Variants in NBAS observed in about 807,000 individuals in gnomAD.
The protein encoded by NBAS is NAG/BC035112 fusion.
NBAS carries 219 observed loss-of-function variants against 302.5 expected under a neutral mutation model. The ratio of observed to expected loss-of-function variants is 0.72; its 90% CI spans 0.65 to 0.81. NBAS has a LOEUF of 0.81. NBAS is among the 30% of genes least tolerant of loss of function. The pLI is 0.00. For synonymous variants in NBAS, 1,118 were observed against 1,021.6 expected, an observed-to-expected ratio of 1.09 and a Z score of -1.80; for missense variants, 2,932 against 2,841.6, an observed-to-expected ratio of 1.03 and a Z score of -0.72.
intron 41 of NBAS, among the ~76,000 whole-genome samples, chr2:15,287,598 C>T (rs1486950525): frequency 2.0e-5 from 3 of 152,078 alleles, no homozygotes; most frequent in African/African-American, 4.8e-5. Context: ...CCTGCGTGGG[C>T]ATCTCCCAGT....
rs1208635272 is a variant in NBAS at position 15,192,978 on chromosome 2, T to C, written c.6433-2575A>G. 2.6e-5 allele frequency among the ~76,000 whole-genome samples: 4 copies of C among 152,290 alleles called. No individual in the cohort carries two copies. The East Asian group carries it at 7.7e-4, about 29-fold the overall frequency. On this transcript the variant is annotated intron_variant, in intron 48 of 51. Coordinates refer to ENST00000281513, the MANE Select transcript of NBAS (RefSeq NM_015909.4). ...TTCCTGAACTTTTCAGAAACTGTAA[T>C]ATACATTTTGAGGAAATAAACTATA...
intron 40 of NBAS, among the ~76,000 whole-genome samples, chr2:15,296,368 G>A (rs1368624353): frequency 1.3e-5 from 2 of 151,998 alleles, no homozygotes; most frequent in African/African-American, 4.8e-5. Context: ...GAGAAACCCC[G>A]TTTCTACTAA....
chr2:15,484,817 A>G (rs915491629), intron 12 of NBAS, among the ~76,000 whole-genome samples: 49 of 152,216 alleles, frequency 3.2e-4, no homozygotes, highest in Admixed American at 6.5e-4. Context: ...AGTAGAGTCA[A>G]TAAATACTTG....
At chr2:15,400,772 G>C (rs1676112859) in intron 26 of NBAS, among the ~76,000 whole-genome samples, 1 of 152,082 alleles carries the variant, frequency 6.6e-6, no homozygotes, top group African/African-American at 2.4e-5. Flanking sequence ...CTTTATTTTA[G>C]AAAAGTGCCT....
In NBAS at chr2:15,186,820, CT is replaced by C. The variant is rs764363809; in HGVS notation, c.6632del (p.Glu2211GlyfsTer11). On this transcript the variant is annotated frameshift_variant, in exon 50 of 52. Coordinates refer to ENST00000281513, the MANE Select transcript of NBAS (RefSeq NM_015909.4). LOFTEE classifies it high-confidence loss of function. ...CTTCATTCCCCAATCCTTCCTTGTT[CT>C]CCATCGTACATCTGGTTAGCATCAC... is the stretch of plus-strand genomic sequence containing the variant. ...ATVMLTRCTM[E>X]NKEGLGNEVL... The C allele has an allele frequency of 1.2e-6, 2 of 1,613,816 alleles. No individual in the cohort carries two copies. The highest frequency in any genetic ancestry group is 3.3e-4 in the Middle Eastern group (2 of 6,084).
chr2:15,010,895 C>T, the NBAS span, among the ~76,000 whole-genome samples: 2 of 152,220 alleles, frequency 1.3e-5, no homozygotes, highest in Non-Finnish European at 2.9e-5. Context: ...ACTGCCTTCT[C>T]ATAACTGCAC....
At chr2:15,196,262 C>G (rs1665615087) in intron 48 of NBAS, among the ~76,000 whole-genome samples, 2 of 152,088 alleles carry the variant, frequency 1.3e-5, no homozygotes, top group Admixed American at 1.3e-4. Context: ...TTATATGAAC[C>G]TATACAGGTA....
At chr2:15,162,939 T>A (rs903440340), downstream of NBAS, among the ~76,000 whole-genome samples, 2 of 152,238 alleles carry the variant, frequency 1.3e-5, no homozygotes, top group African/African-American at 4.8e-5. Context: ...AACTTGCATT[T>A]GAATGCTCTT....
chr2:15,379,939 T>G (rs536178915), intron 29 of NBAS, 108 bp from the exon 30 acceptor site: 273 of 976,072 alleles, frequency 2.8e-4, no homozygotes, highest in Admixed American at 1.1e-3. Context: ...ACATCCACCC[T>G]AGAGGTGGTG....
At chr2:15,501,974 T>C (rs924894315) in intron 11 of NBAS, among the ~76,000 whole-genome samples, 3 of 152,094 alleles carry the variant, frequency 2.0e-5, no homozygotes, top group African/African-American at 7.2e-5. Flanking sequence ...CAAACTTGAG[T>C]AGTAAAATAG....
At chr2:15,100,584 G>A in the NBAS span, among the ~76,000 whole-genome samples, 2 of 152,184 alleles carry the variant, frequency 1.3e-5, no homozygotes, top group African/African-American at 4.8e-5. Context: ...GAACTTGAAG[G>A]TGGGTTACAC....
intron 11 of NBAS, among the ~76,000 whole-genome samples, chr2:15,501,353 A>G (rs185421820): frequency 1.8e-4 from 27 of 152,246 alleles, no homozygotes; most frequent in Admixed American, 1.7e-3. Context: ...AAGTTTGGGT[A>G]TAATAAACCA....
At chr2:15,179,238 T>A in intron 50 of NBAS, 122 bp from the exon 51 acceptor site, 3 of 1,444,270 alleles carry the variant, frequency 2.1e-6, no homozygotes, top group Non-Finnish European at 2.9e-6. Context: ...TAAAGCCACA[T>A]ATGGTACCGC....
chr2:15,045,297 G>C, the NBAS span, among the ~76,000 whole-genome samples: 1 of 152,206 alleles, frequency 6.6e-6, no homozygotes, highest in Non-Finnish European at 1.5e-5. Context: ...AGCTGACGCT[G>C]AGATCTGAGC....
chr2:14,906,715 C>A, the NBAS span, among the ~76,000 whole-genome samples: 1 of 152,174 alleles, frequency 6.6e-6, no homozygotes, highest in Non-Finnish European at 1.5e-5. Flanking sequence ...GCTCTCAGGG[C>A]TCAGTGCTTT....
At chr2:15,547,158 C>T (rs531698050) in intron 6 of NBAS, among the ~76,000 whole-genome samples, 13 of 152,144 alleles carry the variant, frequency 8.5e-5, no homozygotes, top group African/African-American at 1.2e-4. Flanking sequence ...AAAACATTCT[C>T]GAATGGCATG....
the NBAS span, among the ~76,000 whole-genome samples, chr2:15,056,841 T>C: frequency 6.7e-6 from 1 of 150,350 alleles, no homozygotes; most frequent in Non-Finnish European, 1.5e-5. Flanking sequence ...TTCTTTTTTT[T>C]TTTTTTTGAC....
At chr2:15,500,250 G>A (rs1320359858) in intron 11 of NBAS, among the ~76,000 whole-genome samples, 1 of 152,036 alleles carries the variant, frequency 6.6e-6, no homozygotes, top group Non-Finnish European at 1.5e-5. Flanking sequence ...GTTTTCTAGT[G>A]CATACATTCG....
At chr2:15,521,254 T>C (rs1260870799) in intron 9 of NBAS, among the ~76,000 whole-genome samples, 2 of 152,136 alleles carry the variant, frequency 1.3e-5, no homozygotes, top group Admixed American at 6.5e-5. Flanking sequence ...TATAGCAACA[T>C]CTATTCTGAT....
Sources: gnomAD v4.1 joint callset for allele counts (sites outside exome capture counted in the v4.1 genomes callset) on GRCh38, gnomAD v4.1.1 for gene constraint, MANE v1.5 for transcripts, NCBI Gene and HGNC (gene_info 2026-07-23, HGNC 2026-07-21) for gene names.